The following NRXN1 variants were observed in gnomAD, a reference collection of about 807,000 sequenced individuals.
The protein encoded by NRXN1 is neurexin-1.
In NRXN1, 39 loss-of-function variants were observed where a neutral mutation model predicts 150.9. The observed-to-expected ratio is 0.26, with a 90% confidence interval of 0.20 to 0.34. The LOEUF (loss-of-function observed/expected upper bound fraction) is 0.34. NRXN1 is among the 10% of genes least tolerant of loss of function. NRXN1 has a pLI of 1.00. For missense variants in NRXN1, 1,815 were observed against 1,949.9 expected, an observed-to-expected ratio of 0.93 and a Z score of 1.30; for synonymous variants, 924 against 757.0, an observed-to-expected ratio of 1.22 and a Z score of -3.62.
chr2:50,990,925 G>C (rs1406668750), intron 2 of NRXN1, among the ~76,000 whole-genome samples: 1 of 152,016 alleles, frequency 6.6e-6, no homozygotes, highest in Non-Finnish European at 1.5e-5. Context: ...AGGAAAACAA[G>C]CACTTTGGGA....
At chr2:50,665,113 G>A (rs1194253931) in intron 5 of NRXN1, among the ~76,000 whole-genome samples, 1 of 151,848 alleles carries the variant, frequency 6.6e-6, no homozygotes, top group African/African-American at 2.4e-5. Context: ...TCCTCAGTAT[G>A]CACAAATGAA....
chr2:50,781,413 G>A (rs1260319326), intron 5 of NRXN1, among the ~76,000 whole-genome samples: 4 of 151,072 alleles, frequency 2.6e-5, no homozygotes, highest in African/African-American at 7.3e-5. Context: ...AGGCAAACAT[G>A]CAGAAATGCA....
chr2:50,424,638 C>A (rs1368684129), intron 17 of NRXN1, among the ~76,000 whole-genome samples: 2 of 152,048 alleles, frequency 1.3e-5, no homozygotes, highest in African/African-American at 4.8e-5. Context: ...CAGTATCAAG[C>A]ACAACTTAAT....
intron 22 of NRXN1, among the ~76,000 whole-genome samples, chr2:49,925,281 C>CAAA (rs772838099): frequency 4.9e-5 from 4 of 80,982 alleles, no homozygotes; most frequent in Admixed American, 2.9e-4. Context: ...CTGCCTCAAC[C>CAAA]AAAAAAAAAA....
chr2:50,089,427 A>G (rs1699249724), intron 19 of NRXN1, among the ~76,000 whole-genome samples: 1 of 152,200 alleles, frequency 6.6e-6, no homozygotes, highest in Non-Finnish European at 1.5e-5. Flanking sequence ...ATTAATCCAT[A>G]TTTTAGGAAA....
At chr2:50,639,335 C>T (rs999086249) in intron 5 of NRXN1, among the ~76,000 whole-genome samples, 3 of 151,404 alleles carry the variant, frequency 2.0e-5, no homozygotes, top group Non-Finnish European at 2.9e-5. Context: ...ATTCTCCTGC[C>T]TCAGGCTCCC....
chr2:50,946,955 T>C (rs13403326), intron 2 of NRXN1, among the ~76,000 whole-genome samples: 6,615 of 152,270 alleles, frequency 0.043, 224 homozygotes, highest in Non-Finnish European at 0.062. Context: ...GACTTTCCTA[T>C]ATATGTGGCT....
intron 17 of NRXN1, among the ~76,000 whole-genome samples, chr2:50,440,163 C>G (rs929726471): frequency 6.6e-6 from 1 of 152,050 alleles, no homozygotes; most frequent in African/African-American, 2.4e-5. Context: ...TGAGCAATGA[C>G]AGCAAGGCAG....
At chr2:50,128,561 A>G (rs1168762849) in intron 18 of NRXN1, among the ~76,000 whole-genome samples, 1 of 152,230 alleles carries the variant, frequency 6.6e-6, no homozygotes, top group Non-Finnish European at 1.5e-5. Context: ...TAGGAAAATA[A>G]AACGATCTCC....
At chr2:50,478,017 C>G (rs997432793) in intron 15 of NRXN1, among the ~76,000 whole-genome samples, 1 of 152,138 alleles carries the variant, frequency 6.6e-6, no homozygotes, top group African/African-American at 2.4e-5. Context: ...CAATCAACCT[C>G]TGTCCCCAAA....
chr2:50,079,152 T>G (rs1170271280), intron 19 of NRXN1, among the ~76,000 whole-genome samples: 1 of 152,100 alleles, frequency 6.6e-6, no homozygotes, highest in Non-Finnish European at 1.5e-5. Flanking sequence ...TTTATTTTAC[T>G]CTTTTGGTTA....
chr2:50,346,046 CA>C lies in NRXN1; in HGVS notation c.3365-109077del, dbSNP rs556293719. 8.5e-5 allele frequency among the ~76,000 whole-genome samples: 13 copies of C among 152,330 alleles called. No homozygotes were observed. The East Asian group carries it at 2.5e-3, about 29-fold the overall frequency. On this transcript the variant is annotated intron_variant, in intron 17 of 22. Coordinates refer to ENST00000401669, the MANE Select transcript of NRXN1 (RefSeq NM_001330078.2). The surrounding 1 kb of genome is among the most constrained non-coding windows in gnomAD (Gnocchi z 5.0). Reference sequence around the variant, plus strand: ...GGGAATGGTGTCCAGAGGTCCCCTCCATGCCTGCGAAGGGCTGGCCCGCATT... The same window carrying C: ...GGGAATGGTGTCCAGAGGTCCCCTCCTGCCTGCGAAGGGCTGGCCCGCATT...
At chr2:49,945,322 A>G (rs2104396900) in intron 21 of NRXN1, 1 of 151,122 alleles carries the variant, frequency 6.6e-6, no homozygotes, top group African/African-American at 2.4e-5. Flanking sequence ...TTATTCTTCA[A>G]TGTTTGTGGC....
In NRXN1 at chr2:49,922,343, C is replaced by T. The variant is rs1167795875; in HGVS notation, c.4217-92G>A. ...ATTAACATTTATTATCTAATTCTAA[C>T]AGCACCTATGCTTTAGGAAAGGTAT... is the stretch of plus-strand genomic sequence containing the variant. On this transcript the variant is annotated intron_variant, in intron 22 of 22. Coordinates refer to ENST00000401669, the MANE Select transcript of NRXN1 (RefSeq NM_001330078.2). 3 of 1,259,416 alleles carry T rather than the reference C, an allele frequency of 2.4e-6. No individual in the cohort carries two copies. The African/African-American group carries it at 4.5e-5, about 19-fold the overall frequency. The allele number at this position is 1,259,416 out of a possible 1,614,324, so 78.0% of individuals were successfully genotyped here.
intron 5 of NRXN1, among the ~76,000 whole-genome samples, chr2:50,857,046 G>C (rs940618691): frequency 1.3e-5 from 2 of 152,080 alleles, no homozygotes; most frequent in African/African-American, 2.4e-5. Flanking sequence ...CTAAACTTTT[G>C]TATCAGTGTA....
intron 13 of NRXN1, among the ~76,000 whole-genome samples, chr2:50,499,541 G>A (rs1573268589): frequency 6.6e-6 from 1 of 151,918 alleles, no homozygotes; most frequent in South Asian, 2.1e-4. Context: ...GTTCTGTGGG[G>A]ATCTACTTCT....
chr2:50,844,859 ATT>A (rs34975364), intron 5 of NRXN1, among the ~76,000 whole-genome samples: 33 of 148,802 alleles, frequency 2.2e-4, no homozygotes, highest in Admixed American at 2.7e-4. Context: ...TCAGCTAATC[ATT>A]TTTTTTTTTT....
chr2:50,499,414 C>T (rs1019314601), intron 13 of NRXN1, among the ~76,000 whole-genome samples: 6 of 152,132 alleles, frequency 3.9e-5, no homozygotes, highest in Non-Finnish European at 5.9e-5. Context: ...CACTACCATG[C>T]CTCCTGATTG....
chr2:50,854,972 T>G (rs1157437199), intron 5 of NRXN1, among the ~76,000 whole-genome samples: 1 of 151,928 alleles, frequency 6.6e-6, no homozygotes, highest in Non-Finnish European at 1.5e-5. Flanking sequence ...ACTCCAGATA[T>G]TTGAATTATG....
Sources: allele counts gnomAD v4.1 joint callset (sites outside exome capture counted in the v4.1 genomes callset), GRCh38; gene constraint gnomAD v4.1.1; non-coding constraint Gnocchi (gnomAD v3.1); transcripts MANE v1.5; gene names NCBI Gene and HGNC (gene_info 2026-07-23, HGNC 2026-07-21).